ZNF717: variants seen among roughly 807,000 people sequenced by gnomAD.
ZNF717 encodes the protein krueppel-like factor X17.
ZNF717 carries 9 observed loss-of-function variants against 13.8 expected under a neutral mutation model. The ratio of observed to expected loss-of-function variants is 0.65; its 90% CI spans 0.39 to 1.14. The LOEUF (loss-of-function observed/expected upper bound fraction) is 1.14, where lower values mean the gene tolerates loss of function less well. ZNF717 is among the 50% of genes most tolerant of loss of function. The pLI, the probability that ZNF717 is intolerant of heterozygous loss-of-function variation, is 0.01. For synonymous variants in ZNF717, 327 were observed against 364.1 expected (o/e 0.90, Z 1.16); for missense variants, 1,040 against 1,080.7 (o/e 0.96, Z 0.53).
chr3:75,706,758 G>A (rs1174924033), downstream of ZNF717, among the ~76,000 whole-genome samples: 1 of 152,310 alleles, frequency 6.6e-6, no homozygotes, highest in African/African-American at 2.4e-5. Flanking sequence ...AGACTCAGGT[G>A]ACTCTTGAAG....
At chr3:75,733,483 A>G (rs1938773395), downstream of ZNF717, among the ~76,000 whole-genome samples, 1 of 152,184 alleles carries the variant, frequency 6.6e-6, no homozygotes, top group African/African-American at 2.4e-5. Context: ...AAACAAAGAT[A>G]AGAATCACAT....
chr3:75,763,849 T>C (rs527677836), intron 2 of ZNF717, among the ~76,000 whole-genome samples: 30 of 152,368 alleles, frequency 2.0e-4, no homozygotes, highest in African/African-American at 7.0e-4. Flanking sequence ...AGTGGAAATT[T>C]ACTGATTTGA....
At chr3:75,734,811 ATATATATTTTT>A (rs1357992781), downstream of ZNF717, among the ~76,000 whole-genome samples, 114 of 19,188 alleles carry the variant, frequency 5.9e-3, no homozygotes, top group East Asian at 0.11. Context: ...ATATATATAT[ATATATATTTTT>A]TTTTTTTTTT....
chr3:75,754,840 C>A (rs1942332437), intron 2 of ZNF717, among the ~76,000 whole-genome samples: 1 of 152,096 alleles, frequency 6.6e-6, no homozygotes, highest in Non-Finnish European at 1.5e-5. Flanking sequence ...ATCCAGGAAG[C>A]CCCGAGAACA....
At chr3:75,733,745 C>G (rs1335393523), downstream of ZNF717, among the ~76,000 whole-genome samples, 1 of 130,296 alleles carries the variant, frequency 7.7e-6, no homozygotes, top group African/African-American at 3.0e-5. Flanking sequence ...CACCACTGCA[C>G]TCCAGCCTGG....
intron 4 of ZNF717, among the ~76,000 whole-genome samples, chr3:75,720,868 C>T (rs1220915210): frequency 6.6e-6 from 1 of 152,106 alleles, no homozygotes; most frequent in Non-Finnish European, 1.5e-5. Context: ...AAGCAATCGC[C>T]TTTCTTACTC....
chr3:75,779,196 AC>A (rs2107722463), intron 2 of ZNF717, among the ~76,000 whole-genome samples: 1 of 150,320 alleles, frequency 6.7e-6, no homozygotes, highest in South Asian at 2.1e-4. Flanking sequence ...ATGTGCTAAA[AC>A]TGGAACCCAA....
intron 2 of ZNF717, among the ~76,000 whole-genome samples, chr3:75,744,891 A>C (rs1304584051): frequency 7.2e-6 from 1 of 139,256 alleles, no homozygotes; most frequent in African/African-American, 2.6e-5. Context: ...GAAGGGAATT[A>C]TCCCCTTCCA....
chr3:75,729,512 G>A (rs1938388884), downstream of ZNF717, among the ~76,000 whole-genome samples: 3 of 151,992 alleles, frequency 2.0e-5, no homozygotes, highest in South Asian at 4.1e-4. Context: ...CTACTCAGGA[G>A]GCTGAGGCAG....
intron 2 of ZNF717, among the ~76,000 whole-genome samples, chr3:75,775,902 T>A (rs1282377044): frequency 2.0e-5 from 3 of 151,132 alleles, no homozygotes; most frequent in Admixed American, 2.0e-4. Context: ...GACCAACTGG[T>A]TTATAAAACT....
intron 2 of ZNF717, among the ~76,000 whole-genome samples, chr3:75,770,495 G>A (rs922841704): frequency 3.3e-5 from 5 of 152,322 alleles, no homozygotes; most frequent in African/African-American, 4.8e-5. Flanking sequence ...GGGAGGTGGA[G>A]GCTGCGGTGA....
At chr3:75,770,520 A>C (rs1943802683) in intron 2 of ZNF717, among the ~76,000 whole-genome samples, 1 of 152,204 alleles carries the variant, frequency 6.6e-6, no homozygotes, top group Admixed American at 6.5e-5. Flanking sequence ...AGATTGCACC[A>C]CTGCACTCCA....
intron 2 of ZNF717, among the ~76,000 whole-genome samples, chr3:75,760,266 A>C (rs1030509087): frequency 6.6e-6 from 1 of 151,922 alleles, no homozygotes; most frequent in Non-Finnish European, 1.5e-5. Flanking sequence ...CTGGTCTCCA[A>C]CTCCTGACCT....
Position 75,738,994 on chromosome 3 carries a change from T to C in ZNF717, c.629A>G (p.Gln210Arg). 6.4e-7 allele frequency: 1 copy of C among 1,551,622 alleles called. No homozygotes were observed. The highest frequency in any genetic ancestry group is 8.7e-7 in the Non-Finnish European group (1 of 1,146,952). ...HKIQTLLQTF[Q>R]CNEQGKTFNT... is the part of the protein sequence containing the mutation. ...GAAGGTTTTCCCTTGTTCATTACAT[T>C]GAAAAGTCTGCAGCAGAGTTTGAAT... Residue 210 changes from glutamine (Q) to arginine (R), a missense_variant, in exon 5 of 5, where the codon CAA (glutamine) becomes CGA (arginine). Transcript: ENST00000652011.
intron 2 of ZNF717, among the ~76,000 whole-genome samples, chr3:75,763,334 G>A (rs1272165694): frequency 6.6e-6 from 1 of 152,176 alleles, no homozygotes; most frequent in East Asian, 1.9e-4. Flanking sequence ...ATTCTTACTG[G>A]TTGAGCATCT....
chr3:75,749,823 G>A (rs1575821450), intron 2 of ZNF717, among the ~76,000 whole-genome samples: 1 of 151,246 alleles, frequency 6.6e-6, no homozygotes, highest in Non-Finnish European at 1.5e-5. Context: ...GCTGTGGTCT[G>A]AATGTCTGTG....
chr3:75,772,805 C>T (rs76887443), intron 2 of ZNF717, among the ~76,000 whole-genome samples: 1,549 of 108,604 alleles, frequency 0.014, no homozygotes, highest in Middle Eastern at 0.041. Context: ...GCGGCACCAG[C>T]CAGAGGTTTC....
downstream of ZNF717, among the ~76,000 whole-genome samples, chr3:75,727,918 C>G (rs74544342): frequency 2.8e-4 from 42 of 152,236 alleles, no homozygotes; most frequent in Non-Finnish European, 5.4e-4. Flanking sequence ...AGAGGCCAAG[C>G]TGTAAAATTT....
chr3:75,770,598 CA>C (rs1401869064), intron 2 of ZNF717, among the ~76,000 whole-genome samples: 1 of 152,074 alleles, frequency 6.6e-6, no homozygotes, highest in Non-Finnish European at 1.5e-5. Context: ...AACAACCAAA[CA>C]AAAGTAACAG....
Sources: allele counts gnomAD v4.1 joint callset (sites outside exome capture counted in the v4.1 genomes callset), GRCh38; gene constraint gnomAD v4.1.1; transcripts MANE v1.5; gene names NCBI Gene and HGNC (gene_info 2026-07-23, HGNC 2026-07-21).